ROBO2: variants seen among roughly 807,000 people sequenced by gnomAD.
ROBO2 encodes the protein roundabout homolog 2.
A neutral mutation model predicts 160.8 loss-of-function variants in ROBO2; 53 were observed. The ratio of observed to expected loss-of-function variants is 0.33; its 90% CI spans 0.26 to 0.41. ROBO2 has a LOEUF of 0.41. ROBO2 is among the 10% of genes least tolerant of loss of function. ROBO2 has a pLI of 1.00. For synonymous variants in ROBO2, 664 were observed against 611.7 expected (o/e 1.09, Z -1.26); for missense variants, 1,577 against 1,722.4 (o/e 0.92, Z 1.49).
At chr3:76,001,516 G>A (rs952941900) in intron 2 of ROBO2, among the ~76,000 whole-genome samples, 1 of 151,856 alleles carries the variant, frequency 6.6e-6, no homozygotes, top group African/African-American at 2.4e-5. Flanking sequence ...TTGAATATGT[G>A]TGTGTGTGTG....
At chr3:76,585,662 T>C (rs962878891) in intron 2 of ROBO2, among the ~76,000 whole-genome samples, 1 of 152,110 alleles carries the variant, frequency 6.6e-6, no homozygotes, top group African/African-American at 2.4e-5. Context: ...CATGTTGTTA[T>C]TAAGAAGGGA....
At chr3:77,381,895 G>A (rs1206840194) in intron 2 of ROBO2, among the ~76,000 whole-genome samples, 1 of 152,022 alleles carries the variant, frequency 6.6e-6, no homozygotes. Context: ...GTTTATGGGG[G>A]GTGAGGGGCT....
intron 2 of ROBO2, among the ~76,000 whole-genome samples, chr3:76,349,115 A>G (rs1457752719): frequency 6.6e-6 from 1 of 152,154 alleles, no homozygotes; most frequent in African/African-American, 2.4e-5. Flanking sequence ...TAAACTCTGC[A>G]TAAGTGTCTA....
At chr3:77,149,968 G>A (rs1357700253) in intron 2 of ROBO2, among the ~76,000 whole-genome samples, 2 of 152,078 alleles carry the variant, frequency 1.3e-5, no homozygotes, top group African/African-American at 2.4e-5. Context: ...AAAAGAAAGA[G>A]CAAAAGACAA....
At chr3:75,970,294 A>T (rs2064956984) in intron 2 of ROBO2, among the ~76,000 whole-genome samples, 1 of 151,598 alleles carries the variant, frequency 6.6e-6, no homozygotes, top group Non-Finnish European at 1.5e-5. Flanking sequence ...TCGCAAGATT[A>T]AAAACAAGGT....
chr3:76,252,756 TATACACAC>T (rs1434314393), intron 2 of ROBO2, among the ~76,000 whole-genome samples: 1,921 of 137,750 alleles, frequency 0.014, 28 homozygotes, highest in Middle Eastern at 0.022. Context: ...CATGTATATG[TATACACAC>T]ACACACACAC....
chr3:76,173,269 T>C (rs2073109885), intron 2 of ROBO2, among the ~76,000 whole-genome samples: 1 of 151,584 alleles, frequency 6.6e-6, no homozygotes, highest in Admixed American at 6.6e-5. Context: ...TATGTATACA[T>C]ACATACATAC....
intron 2 of ROBO2, among the ~76,000 whole-genome samples, chr3:76,669,782 C>T (rs1002060225): frequency 6.6e-6 from 1 of 152,108 alleles, no homozygotes; most frequent in Non-Finnish European, 1.5e-5. Context: ...TATTGCTGCT[C>T]GCAATATTTA....
intron 2 of ROBO2, among the ~76,000 whole-genome samples, chr3:77,388,141 T>C (rs973123671): frequency 6.1e-5 from 9 of 147,010 alleles, no homozygotes; most frequent in Non-Finnish European, 9.1e-5. Flanking sequence ...GATTCACACA[T>C]ACACACACAC....
At chr3:77,199,573 G>A (rs2082624103) in intron 2 of ROBO2, among the ~76,000 whole-genome samples, 1 of 151,350 alleles carries the variant, frequency 6.6e-6, no homozygotes, top group South Asian at 2.1e-4. Flanking sequence ...ATTCATAGCG[G>A]ACACTCAGTG....
chr3:77,161,584 T>C (rs2078491052), intron 2 of ROBO2, among the ~76,000 whole-genome samples: 1 of 152,226 alleles, frequency 6.6e-6, no homozygotes, highest in Non-Finnish European at 1.5e-5. Context: ...AGTGATTTCA[T>C]AGCAATTGGT....
At chr3:76,622,230 G>GAAAGAAAGAAAGAAA (rs1560251796) in intron 2 of ROBO2, among the ~76,000 whole-genome samples, 3 of 55,406 alleles carry the variant, frequency 5.4e-5, no homozygotes, top group African/African-American at 2.6e-4. Context: ...AAGGAAGGAA[G>GAAAGAAAGAAAGAAA]GAAGGAAGAA....
At chr3:76,329,250 G>A (rs1461399840) in intron 2 of ROBO2, among the ~76,000 whole-genome samples, 2 of 152,066 alleles carry the variant, frequency 1.3e-5, no homozygotes, top group Non-Finnish European at 2.9e-5. Context: ...ATGGAGTTTC[G>A]CTCTGTGGTC....
Position 76,256,327 on chromosome 3 carries a change from C to A in ROBO2, c.109+318725C>A, listed in dbSNP as rs1319617686. 3.5e-4 allele frequency among the ~76,000 whole-genome samples: 33 copies of A among 95,008 alleles called. 2 individuals are homozygous for A. The highest frequency in any genetic ancestry group is 8.8e-4 in the African/African-American group (28 of 31,780). 62.3% of individuals were successfully genotyped at this position (95,008 alleles called of 152,430 possible). ...TCTCTCTCTCTCTCTCTCTCTCTCTCTCTCTCTCTCTCTCTCTCTCTCTCT... is the reference window on the plus strand; with the variant it reads ...TCTCTCTCTCTCTCTCTCTCTCTCTATCTCTCTCTCTCTCTCTCTCTCTCT... On this transcript the variant is annotated intron_variant, in intron 2 of 26. Transcript: ENST00000487694.
At chr3:76,451,861 C>T (rs947375940) in intron 2 of ROBO2, among the ~76,000 whole-genome samples, 7 of 152,114 alleles carry the variant, frequency 4.6e-5, no homozygotes, top group African/African-American at 1.4e-4. Context: ...CTCCTCTTGG[C>T]TGCAAGAAGA....
intron 2 of ROBO2, among the ~76,000 whole-genome samples, chr3:76,778,895 C>T (rs1241098826): frequency 6.6e-6 from 1 of 151,078 alleles, no homozygotes; most frequent in African/African-American, 2.4e-5. Context: ...TGACCAGTTA[C>T]TTCTACGAAA....
intron 5 of ROBO2, among the ~76,000 whole-genome samples, chr3:77,502,852 G>A (rs2153608745): frequency 6.6e-6 from 1 of 152,142 alleles, no homozygotes; most frequent in East Asian, 1.9e-4. Context: ...GTATTTTCAG[G>A]GTTGTGGGGA....
At chr3:77,508,099 G>C (rs2088836990) in intron 5 of ROBO2, among the ~76,000 whole-genome samples, 1 of 151,666 alleles carries the variant, frequency 6.6e-6, no homozygotes, top group African/African-American at 2.4e-5. Context: ...TATGAATGTA[G>C]AAAGAAGAAG....
intron 1 of ROBO2, among the ~76,000 whole-genome samples, chr3:77,066,081 A>G (rs950985508): frequency 3.3e-5 from 5 of 152,206 alleles, no homozygotes; most frequent in Admixed American, 6.5e-5. Context: ...ACTTGTGACA[A>G]GGGTGAATTA....
Sources: gnomAD v4.1 joint callset for allele counts (sites outside exome capture counted in the v4.1 genomes callset) on GRCh38, gnomAD v4.1.1 for gene constraint, MANE v1.5 for transcripts, NCBI Gene and HGNC (gene_info 2026-07-23, HGNC 2026-07-21) for gene names.